PKNOX2: variants seen among roughly 807,000 people sequenced by gnomAD.
The protein encoded by PKNOX2 is PBX/knotted 1 homeobox 2, also known as homeobox protein PKNOX2.
Under a neutral mutation model 53.1 loss-of-function variants are expected in PKNOX2, and 14 were observed. The observed-to-expected ratio is 0.26, with a 90% confidence interval of 0.17 to 0.41. PKNOX2 has a LOEUF of 0.41. PKNOX2 is among the 10% of genes least tolerant of loss of function. The pLI is 1.00. For missense variants in PKNOX2, 496 were observed against 602.8 expected (o/e 0.82, Z 1.85); for synonymous variants, 257 against 242.8 (o/e 1.06, Z -0.54).
At chr11:125,194,968 G>C (rs972080644) in intron 1 of PKNOX2, among the ~76,000 whole-genome samples, 8 of 152,174 alleles carry the variant, frequency 5.3e-5, no homozygotes, top group Non-Finnish European at 7.3e-5. Flanking sequence ...GACGCTCTTA[G>C]GAGGCGGGCT....
At position 125,284,478 on chromosome 11, in the gene PKNOX2, A is replaced by C. The variant is rs371876635; in HGVS notation, c.-129-47341A>C. On this transcript the variant is annotated intron_variant, in intron 2 of 12. Transcript: ENST00000298282. Reference sequence around the variant, plus strand: ...AATAGCATCGCCAGAGAACCAACTTAAGCCTGGCCTGATTTAGTACAGAGA... The same window carrying C: ...AATAGCATCGCCAGAGAACCAACTTCAGCCTGGCCTGATTTAGTACAGAGA... Among the ~76,000 whole-genome samples the C allele has an allele frequency of 2.0e-5, 3 of 152,222 alleles. No individual in the cohort carries two copies. The East Asian group carries it at 5.8e-4, about 29-fold the overall frequency.
Position 125,432,429 on chromosome 11 carries a change from G to A in PKNOX2, c.*1037G>A, listed in dbSNP as rs911936767. On this transcript the variant is annotated 3_prime_UTR_variant, in exon 13 of 13. Coordinates refer to ENST00000298282, the MANE Select transcript of PKNOX2 (RefSeq NM_001382323.2). The stretch of plus-strand genomic sequence containing the variant: ...TTTCTTCATTCTGTCCTTCAGGGAA[G>A]GCAGAAGAAACATTGGAAAGCATCT... 3 of 152,802 alleles carry A rather than the reference G, an allele frequency of 2.0e-5. No individual in the cohort carries two copies. Among genetic ancestry groups the A allele is most frequent in the Non-Finnish European group, 4.4e-5 (3 of 68,062 alleles). The allele number at this position is 152,802 out of a possible 1,614,324, so 9.5% of individuals were successfully genotyped here.
intron 1 of PKNOX2, among the ~76,000 whole-genome samples, chr11:125,173,161 A>G (rs748773065): frequency 6.6e-6 from 1 of 152,222 alleles, no homozygotes; most frequent in African/African-American, 2.4e-5. Context: ...ACTGCTGTGA[A>G]AACTCTGGAA....
chr11:125,393,125 A>C (rs1303720094), intron 6 of PKNOX2, among the ~76,000 whole-genome samples: 1 of 148,994 alleles, frequency 6.7e-6, no homozygotes, highest in Non-Finnish European at 1.5e-5. Flanking sequence ...GCGCCACTGC[A>C]CTCCAGCCTG....
chr11:125,429,017 C>G lies in PKNOX2; in HGVS notation c.942C>G (p.Pro314=). The G allele has an allele frequency of 6.2e-7, 1 of 1,613,392 alleles. No homozygotes were observed. Among genetic ancestry groups the G allele is most frequent in the Non-Finnish European group, 8.5e-7 (1 of 1,179,272 alleles). The change falls in exon 11 of 13, where the codon CCC becomes CCG. Residue 314 remains proline, a synonymous_variant. Transcript: ENST00000298282. ...GTCTCCACCTCTCGTTTCAGCACCC[C>G]TACCCCACGGAGGATGAGAAGAGGC... ...RSWLFQHLMH[P]YPTEDEKRQI... is the part of the protein sequence containing the mutation.
At chr11:125,217,438 A>G (rs1372159092) in intron 1 of PKNOX2, among the ~76,000 whole-genome samples, 1 of 152,198 alleles carries the variant, frequency 6.6e-6, no homozygotes. Context: ...GATCATGGCC[A>G]TGGACATTCA....
At chr11:125,256,463 G>A (rs1441020894) in intron 2 of PKNOX2, among the ~76,000 whole-genome samples, 1 of 152,192 alleles carries the variant, frequency 6.6e-6, no homozygotes, top group Non-Finnish European at 1.5e-5. Context: ...AGGAAGAAGG[G>A]AGGTTTTCCT....
At chr11:125,321,187 G>A (rs1485953125) in intron 2 of PKNOX2, among the ~76,000 whole-genome samples, 1 of 152,218 alleles carries the variant, frequency 6.6e-6, no homozygotes, top group Non-Finnish European at 1.5e-5. Context: ...GTATAGGAGA[G>A]GGTGAGTACA....
At chr11:125,214,532 C>T (rs1353832665) in intron 1 of PKNOX2, among the ~76,000 whole-genome samples, 2 of 152,062 alleles carry the variant, frequency 1.3e-5, no homozygotes, top group African/African-American at 4.8e-5. Flanking sequence ...GGCTCCTCCA[C>T]CTAAGACAAA....
At chr11:125,326,294 T>G (rs573047550) in intron 2 of PKNOX2, among the ~76,000 whole-genome samples, 1 of 152,272 alleles carries the variant, frequency 6.6e-6, no homozygotes, top group East Asian at 1.9e-4. Context: ...CTTTGCAGGT[T>G]GGATGGGACC....
intron 1 of PKNOX2, among the ~76,000 whole-genome samples, chr11:125,179,990 C>T (rs1009503151): frequency 6.6e-6 from 1 of 152,158 alleles, no homozygotes; most frequent in Admixed American, 6.5e-5. Context: ...CTCCTCCTCC[C>T]CAATTCATGT....
intron 1 of PKNOX2, among the ~76,000 whole-genome samples, chr11:125,198,919 C>T (rs961382078): frequency 6.6e-6 from 1 of 151,610 alleles, no homozygotes; most frequent in African/African-American, 2.4e-5. Flanking sequence ...TGGCTCACTG[C>T]AACCTCCACC....
At chr11:125,225,498 C>A (rs1054669405) in intron 1 of PKNOX2, among the ~76,000 whole-genome samples, 2 of 152,120 alleles carry the variant, frequency 1.3e-5, no homozygotes, top group East Asian at 3.8e-4. Flanking sequence ...AAGAGTCTGC[C>A]CAGGCCCATC....
chr11:125,201,074 A>C (rs1406010107), intron 1 of PKNOX2, among the ~76,000 whole-genome samples: 1 of 152,188 alleles, frequency 6.6e-6, no homozygotes, highest in African/African-American at 2.4e-5. Flanking sequence ...TCTCTGTGCC[A>C]TCATTGCTCA....
At chr11:125,290,741 G>T (rs555346022) in intron 2 of PKNOX2, among the ~76,000 whole-genome samples, 1 of 152,286 alleles carries the variant, frequency 6.6e-6, no homozygotes, top group South Asian at 2.1e-4. Flanking sequence ...CTGCCCTCAG[G>T]ATGCTCACAG....
chr11:125,344,901 G>A (rs1296710999), intron 3 of PKNOX2, among the ~76,000 whole-genome samples: 3 of 152,130 alleles, frequency 2.0e-5, no homozygotes, highest in Non-Finnish European at 4.4e-5. Flanking sequence ...GAACAAGGAT[G>A]TGAGACCTGA....
intron 1 of PKNOX2, among the ~76,000 whole-genome samples, chr11:125,222,681 T>G (rs1488868582): frequency 6.6e-6 from 1 of 150,584 alleles, no homozygotes; most frequent in African/African-American, 2.4e-5. Flanking sequence ...TGTATGTGTG[T>G]GCGTATGTGT....
intron 1 of PKNOX2, among the ~76,000 whole-genome samples, 199 bp downstream of exon 1, chr11:125,164,975 G>A (rs1456528091): frequency 6.6e-6 from 1 of 151,840 alleles, no homozygotes; most frequent in African/African-American, 2.4e-5. Context: ...GAGGGAGGCA[G>A]CAGGGAGGAG....
intron 5 of PKNOX2, 52 bp downstream of exon 5, chr11:125,368,037 C>T: frequency 6.3e-7 from 1 of 1,577,142 alleles, no homozygotes. Context: ...TCAGGCCCAG[C>T]TCAGCTGTGA....
Sources: allele counts gnomAD v4.1 joint callset (sites outside exome capture counted in the v4.1 genomes callset), GRCh38; gene constraint gnomAD v4.1.1; transcripts MANE v1.5; gene names NCBI Gene and HGNC (gene_info 2026-07-23, HGNC 2026-07-21).